Variants in EXD3 observed in about 807,000 individuals in gnomAD.
EXD3 encodes exonuclease 3'-5' domain containing 3.
EXD3 carries 92 observed loss-of-function variants against 98.0 expected under a neutral mutation model. The observed-to-expected ratio is 0.94, with a 90% CI of 0.79 to 1.12. EXD3 has a LOEUF of 1.12. Ranked by LOEUF, EXD3 falls within the 50% of genes most tolerant of loss-of-function variation. The probability of loss-of-function intolerance (pLI) is 0.00; values close to 1 mark genes in which losing one functional copy is unlikely to be tolerated. For synonymous variants in EXD3, 569 were observed against 526.0 expected (o/e 1.08, Z -1.12); for missense variants, 1,222 against 1,191.6 (o/e 1.03, Z -0.38).
At position 137,366,770 on chromosome 9, in the gene EXD3, G is replaced by A. The variant is rs934205181; in HGVS notation, c.517-138C>T. 96 of 1,122,656 alleles carry A rather than the reference G, an allele frequency of 8.6e-5. No individual in the cohort carries two copies. In the East Asian group the frequency reaches 1.9e-3, roughly 22 times the overall value. 69.5% of individuals were successfully genotyped at this position (1,122,656 alleles called of 1,614,324 possible). On this transcript the variant is annotated intron_variant, in intron 6 of 21. Transcript: ENST00000340951. ...CGTCCAGGCCCAGCAGTGCTCGCCCGGCCAGTGCTCACGCTCACACACACT... is the reference window on the plus strand; with the variant it reads ...CGTCCAGGCCCAGCAGTGCTCGCCCAGCCAGTGCTCACGCTCACACACACT...
Position 137,330,281 on chromosome 9 carries a change from C to T in EXD3, c.1999-6138G>A, listed in dbSNP as rs186861204. On this transcript the variant is annotated intron_variant, in intron 17 of 21. Coordinates refer to ENST00000340951, the MANE Select transcript of EXD3 (RefSeq NM_017820.5). Reference sequence around the variant, plus strand: ...CTCCACAGGAGCTACACAGGAACTACACAGGAACTACACAGGAGCTACACA... The same window carrying T: ...CTCCACAGGAGCTACACAGGAACTATACAGGAACTACACAGGAGCTACACA... Among the ~76,000 whole-genome samples, 34 of 128,118 alleles carry T rather than the reference C, an allele frequency of 2.7e-4. 2 individuals are homozygous for T. In the East Asian group the frequency reaches 9.3e-3, roughly 35 times the overall value. 84.1% of individuals were successfully genotyped at this position (128,118 alleles called of 152,430 possible).
At chr9:137,327,595 G>A (rs1425045919) in intron 17 of EXD3, among the ~76,000 whole-genome samples, 2 of 151,956 alleles carry the variant, frequency 1.3e-5, no homozygotes, top group African/African-American at 4.8e-5. Context: ...AGAAAAAAAG[G>A]GAAACAGAAA....
At chr9:137,316,321 C>T (rs1054407915) in intron 19 of EXD3, among the ~76,000 whole-genome samples, 14 of 151,996 alleles carry the variant, frequency 9.2e-5, no homozygotes, top group Non-Finnish European at 1.6e-4. Context: ...CTTCGCGCGC[C>T]GGCCTGGGGG....
chr9:137,337,100 A>G (rs1300431659), intron 17 of EXD3, among the ~76,000 whole-genome samples: 1 of 152,196 alleles, frequency 6.6e-6, no homozygotes, highest in East Asian at 1.9e-4. Flanking sequence ...GAGAAATGGT[A>G]TTAATGTTAG....
intron 1 of EXD3, among the ~76,000 whole-genome samples, chr9:137,401,639 G>A (rs898498913): frequency 2.6e-5 from 4 of 152,226 alleles, no homozygotes; most frequent in African/African-American, 9.6e-5. Context: ...AAGCTGCCAA[G>A]GCTTGGGGCT....
At chr9:137,414,350 G>A in intron 1 of EXD3, among the ~76,000 whole-genome samples, 1 of 152,218 alleles carries the variant, frequency 6.6e-6, no homozygotes, top group East Asian at 1.9e-4. Context: ...ACCACGGGCT[G>A]TTTGTCCAGC....
rs993244879 is a variant in EXD3 at position 137,405,297 on chromosome 9, G to A, written c.-47-9893C>T. Among the ~76,000 whole-genome samples the A allele has an allele frequency of 1.3e-5, 2 of 152,228 alleles. No individual in the cohort carries two copies. Among genetic ancestry groups the A allele is most frequent in the Non-Finnish European group, 2.9e-5 (2 of 68,032 alleles). Reference sequence around the variant, plus strand: ...AAGGCGGTGGGCACCCAGGGCCAGAGCAGGGGCCAGAGCCCCAACCCCCGC... The same window carrying A: ...AAGGCGGTGGGCACCCAGGGCCAGAACAGGGGCCAGAGCCCCAACCCCCGC... On this transcript the variant is annotated intron_variant, in intron 1 of 21. Coordinates refer to ENST00000340951, the MANE Select transcript of EXD3 (RefSeq NM_017820.5). This position sits in a 1 kb window ranked among gnomAD's most constrained non-coding sequence, Gnocchi z 4.1.
intron 19 of EXD3, among the ~76,000 whole-genome samples, chr9:137,312,346 AG>A (rs1166075705): frequency 3.3e-5 from 5 of 152,168 alleles, no homozygotes; most frequent in Non-Finnish European, 7.4e-5. Context: ...GAAGGCTCCC[AG>A]CTACCTGCCC....
intron 1 of EXD3, among the ~76,000 whole-genome samples, chr9:137,409,580 T>C (rs1303857293): frequency 6.6e-6 from 1 of 151,984 alleles, no homozygotes; most frequent in Non-Finnish European, 1.5e-5. Flanking sequence ...TATCCAGGCA[T>C]GGTGGCATGC....
In EXD3 at chr9:137,346,450, T is replaced by TG. The variant is rs1169394081; in HGVS notation, c.1998+1620dup. Among the ~76,000 whole-genome samples, 3 of 152,034 alleles carry TG rather than the reference T, an allele frequency of 2.0e-5. No individual in the cohort carries two copies. The South Asian group carries it at 6.2e-4, about 31-fold the overall frequency. ...CCCTGAAGGAGAAAACTGGTCCATT[T>TG]GGCTTTGATCTGACACCCTCACACT... On this transcript the variant is annotated intron_variant, in intron 17 of 21. Transcript: ENST00000340951.
At chr9:137,337,468 T>G (rs953128499) in intron 17 of EXD3, among the ~76,000 whole-genome samples, 1 of 152,008 alleles carries the variant, frequency 6.6e-6, no homozygotes, top group Non-Finnish European at 1.5e-5. Context: ...CTGGCCAATA[T>G]GGTGAAACCC....
rs939966121 is a variant in EXD3 at position 137,371,530 on chromosome 9, G to C, written c.462+1375C>G. On this transcript the variant is annotated intron_variant, in intron 5 of 21. Transcript: ENST00000340951. This position sits in a 1 kb window ranked among gnomAD's most constrained non-coding sequence, Gnocchi z 8.0. ...GTGCCATCGGGACGGCGTCTCAGCA[G>C]CAGGGTCCCACGTGGGCAGGCAGCG... Among the ~76,000 whole-genome samples, 20 of 152,128 alleles carry C rather than the reference G, an allele frequency of 1.3e-4. No homozygotes were observed. The highest frequency in any genetic ancestry group is 4.8e-4 in the African/African-American group (20 of 41,432).
intron 2 of EXD3, among the ~76,000 whole-genome samples, chr9:137,391,641 C>T (rs1162086903): frequency 5.3e-5 from 8 of 151,544 alleles, no homozygotes; most frequent in Non-Finnish European, 3.0e-5. Context: ...CTCCCTGCCC[C>T]GCCCCGCCCC....
chr9:137,308,634 CTTT>C (rs572242584), intron 20 of EXD3, among the ~76,000 whole-genome samples: 4 of 135,952 alleles, frequency 2.9e-5, no homozygotes, highest in Non-Finnish European at 1.6e-5. Flanking sequence ...TGGACTGACC[CTTT>C]TTTTTTTTTT....
At chr9:137,355,347 T>C (rs1392657303) in intron 8 of EXD3, among the ~76,000 whole-genome samples, 1 of 151,462 alleles carries the variant, frequency 6.6e-6, no homozygotes, top group Non-Finnish European at 1.5e-5. Context: ...TGCCGACCTT[T>C]CAGGGCCCCA....
rs1408450000 is a variant in EXD3, at chr9:137,371,889, C to G, written c.462+1016G>C. 6.6e-6 allele frequency among the ~76,000 whole-genome samples: 1 copy of G among 152,022 alleles called. No homozygotes were observed. Among genetic ancestry groups the G allele is most frequent in the African/African-American group, 2.4e-5 (1 of 41,396 alleles). On this transcript the variant is annotated intron_variant, in intron 5 of 21. Transcript: ENST00000340951. This position sits in a 1 kb window ranked among gnomAD's most constrained non-coding sequence, Gnocchi z 8.0. ...GGCTCCCCTGCACCTGCAGGAACAGCTCAGAGCCACCCCACGCAAGACGGC... is the reference window on the plus strand; with the variant it reads ...GGCTCCCCTGCACCTGCAGGAACAGGTCAGAGCCACCCCACGCAAGACGGC...
At position 137,326,696 on chromosome 9, in the gene EXD3, G is replaced by C. The variant is rs529528321; in HGVS notation, c.1999-2553C>G. Reference sequence around the variant, plus strand: ...TTAGGGTGGCCTTTATAAAAAAAAAGGGAAATAAATGTTGGTGGGATGTGG... The same window carrying C: ...TTAGGGTGGCCTTTATAAAAAAAAACGGAAATAAATGTTGGTGGGATGTGG... On this transcript the variant is annotated intron_variant, in intron 17 of 21. Coordinates refer to ENST00000340951, the MANE Select transcript of EXD3 (RefSeq NM_017820.5). 3.2e-4 allele frequency among the ~76,000 whole-genome samples: 48 copies of C among 151,924 alleles called. 1 individual carries two copies. The Middle Eastern group carries it at 0.01, about 33-fold the overall frequency.
chr9:137,416,205 C>T (rs976639009), intron 1 of EXD3, among the ~76,000 whole-genome samples: 1 of 152,216 alleles, frequency 6.6e-6, no homozygotes, highest in Non-Finnish European at 1.5e-5. Flanking sequence ...TGCCTGAGGG[C>T]CAAGAATTCT....
chr9:137,310,284 C>T (rs1264935138), intron 19 of EXD3, among the ~76,000 whole-genome samples: 2 of 152,202 alleles, frequency 1.3e-5, no homozygotes, highest in African/African-American at 2.4e-5. Context: ...CTCATTGTCA[C>T]CCAGGCTGGA....
Sources: allele counts gnomAD v4.1 joint callset (sites outside exome capture counted in the v4.1 genomes callset), GRCh38; gene constraint gnomAD v4.1.1; non-coding constraint Gnocchi (gnomAD v3.1); transcripts MANE v1.5; gene names NCBI Gene and HGNC (gene_info 2026-07-23, HGNC 2026-07-21).